The following TRIP11 variants were observed in gnomAD, a reference collection of about 807,000 sequenced individuals.
TRIP11 encodes thyroid receptor-interacting protein 11.
In TRIP11, 148 loss-of-function variants were observed where a neutral mutation model predicts 223.1. The observed-to-expected ratio is 0.66, with a 90% CI of 0.58 to 0.76. The LOEUF (loss-of-function observed/expected upper bound fraction) is 0.76, where lower values mean the gene tolerates loss of function less well. Among genes scored for constraint, TRIP11 ranks in the 30% least tolerant of loss-of-function variants. TRIP11 has a pLI of 0.00. For missense variants in TRIP11, 2,043 were observed against 2,222.0 expected, an observed-to-expected ratio of 0.92 and a Z score of 1.62; for synonymous variants, 762 against 772.6, an observed-to-expected ratio of 0.99 and a Z score of 0.23.
chr14:91,990,580 G>A (rs921446394), intron 15 of TRIP11, among the ~76,000 whole-genome samples: 2 of 152,190 alleles, frequency 1.3e-5, no homozygotes, highest in Non-Finnish European at 2.9e-5. Context: ...AGGATTGCTT[G>A]AGTCCAGAAA....
Position 92,017,717 on chromosome 14 carries a change from G to C in TRIP11, c.622C>G (p.Gln208Glu). The C allele has an allele frequency of 1.2e-6, 2 of 1,612,720 alleles. No homozygotes were observed. Among genetic ancestry groups the C allele is most frequent in the Non-Finnish European group, 1.7e-6 (2 of 1,179,296 alleles). ...SKAQGTDNSD[Q>E]SEICKLQNII... is the part of the protein sequence containing the mutation. ...TTTTGTAGTTTACATATTTCACTTT[G>C]ATCAGAGTTATCTGTTCCTTGTGCT... Residue 208 changes from glutamine (Q) to glutamate (E), a missense_variant, in exon 5 of 21, where the codon CAA (glutamine) becomes GAA (glutamate). Transcript: ENST00000267622.
rs530870171 is a variant in TRIP11, at chr14:92,026,872, C to G, written c.202-1452G>C. 3 of 1,519,942 alleles carry G rather than the reference C, an allele frequency of 2.0e-6. No individual in the cohort carries two copies. The African/African-American group carries it at 4.1e-5, about 21-fold the overall frequency. 94.2% of individuals were successfully genotyped at this position (1,519,942 alleles called of 1,614,324 possible). A position where few individuals can be genotyped will look rare whatever the true frequency, so the allele number is the denominator to read the frequency against. ...ATGTTGATACCAAGAAGCAGAAGAC[C>G]GACGAGGATGACTAGACAGCAAAAA... On this transcript the variant is annotated intron_variant, in intron 2 of 20. Coordinates refer to ENST00000267622, the MANE Select transcript of TRIP11 (RefSeq NM_004239.4).
Position 91,967,134 on chromosome 14 carries a change from G to GTTTTTTTTTT in TRIP11, c.*2538_*2539insAAAAAAAAAA, listed in dbSNP as rs2056348888. The GTTTTTTTTTT allele has an allele frequency of 8.8e-6, 1 of 113,828 alleles. No homozygotes were observed. Among genetic ancestry groups the GTTTTTTTTTT allele is most frequent in the East Asian group, 1.5e-4 (1 of 6,516 alleles). 7.1% of individuals were successfully genotyped at this position (113,828 alleles called of 1,614,324 possible). A position where few individuals can be genotyped will look rare whatever the true frequency, so the allele number is the denominator to read the frequency against. On this transcript the variant is annotated 3_prime_UTR_variant, in exon 21 of 21. Transcript: ENST00000267622. ...CACAATGAAAACATTAGGTACTATA[G>GTTTTTTTTTT]CTTTTTTTTTTTTTTTTTTTTTTTT...
At chr14:92,028,454 G>A (rs2057217762) in intron 2 of TRIP11, among the ~76,000 whole-genome samples, 1 of 152,110 alleles carries the variant, frequency 6.6e-6, no homozygotes, top group South Asian at 2.1e-4. Context: ...TCAGGAGGCT[G>A]AGGAGGGAAG....
chr14:92,026,298 ACT>A (rs904678169), intron 2 of TRIP11, among the ~76,000 whole-genome samples: 10 of 152,196 alleles, frequency 6.6e-5, no homozygotes, highest in Non-Finnish European at 1.3e-4. Flanking sequence ...GACATTACAC[ACT>A]GTCTTTTAAG....
At position 91,981,378 on chromosome 14, in the gene TRIP11, T is replaced by A. The variant is rs192807609; in HGVS notation, c.5261-5189A>T. The stretch of plus-strand genomic sequence containing the variant: ...AATTTGAGGTTAAGCTTTACAAGCA[T>A]CTGTTTTGTCTTTTTTGTTGTTGTT... On this transcript the variant is annotated intron_variant, in intron 16 of 20. Transcript: ENST00000267622. Among the ~76,000 whole-genome samples, 7 of 146,900 alleles carry A rather than the reference T, an allele frequency of 4.8e-5. No individual in the cohort carries two copies. The East Asian group carries it at 1.2e-3, about 25-fold the overall frequency.
intron 3 of TRIP11, among the ~76,000 whole-genome samples, chr14:92,024,401 C>T (rs1037628820): frequency 7.9e-5 from 12 of 151,454 alleles, no homozygotes; most frequent in African/African-American, 2.9e-4. Context: ...TTTGAACTTG[C>T]AACTTTGCCT....
chr14:92,011,878 C>A (rs2056978048), intron 7 of TRIP11, 83 bp from the exon 8 acceptor site: 2 of 1,308,564 alleles, frequency 1.5e-6, no homozygotes, highest in Non-Finnish European at 2.2e-6. Context: ...AAATGCAACC[C>A]AATTAAAGTG....
At chr14:92,038,106 T>A (rs913013857) in intron 1 of TRIP11, among the ~76,000 whole-genome samples, 1 of 151,922 alleles carries the variant, frequency 6.6e-6, no homozygotes, top group African/African-American at 2.4e-5. Context: ...CATGACCAAC[T>A]GGAAGTAGGA....
intron 2 of TRIP11, 131 bp downstream of exon 2, chr14:92,033,047 AAAAGCTCAAAAAAC>A: frequency 1.5e-6 from 1 of 653,526 alleles, no homozygotes; most frequent in Non-Finnish European, 2.7e-6. Flanking sequence ...GAAGGTTGAT[AAAAGCTCAAAAAAC>A]AATCAAAATT....
intron 7 of TRIP11, among the ~76,000 whole-genome samples, chr14:92,012,264 A>G (rs2056981990): frequency 6.6e-6 from 1 of 152,232 alleles, no homozygotes; most frequent in African/African-American, 2.4e-5. Context: ...GAAAAAGACC[A>G]TTCAATTTGG....
At chr14:91,999,684 ATAAAG>A (rs1479004732) in intron 12 of TRIP11, among the ~76,000 whole-genome samples, 1 of 152,174 alleles carries the variant, frequency 6.6e-6, no homozygotes, top group Non-Finnish European at 1.5e-5. Flanking sequence ...TTCATTCTGT[ATAAAG>A]TACTCTTTGT....
In TRIP11 at chr14:92,039,927, T is replaced by G; in HGVS notation, c.-242A>C. The G allele has an allele frequency of 1.6e-6, 1 of 628,758 alleles. No individual in the cohort carries two copies. The highest frequency in any genetic ancestry group is 2.7e-6 in the Non-Finnish European group (1 of 371,890). 38.9% of individuals were successfully genotyped at this position (628,758 alleles called of 1,614,324 possible). A position where few individuals can be genotyped will look rare whatever the true frequency, so the allele number is the denominator to read the frequency against. On this transcript the variant is annotated 5_prime_UTR_variant, in exon 1 of 21. It removes an upstream start codon present in the reference 5' UTR. Transcript: ENST00000267622. Reference sequence around the variant, plus strand: ...TCACCTACGGAGGGCCTTCTGCTCATTCCCACGAATTCCCACCGTCCAGAT... The same window carrying G: ...TCACCTACGGAGGGCCTTCTGCTCAGTCCCACGAATTCCCACCGTCCAGAT...
At chr14:92,014,074 AC>A in intron 7 of TRIP11, 140 bp downstream of exon 7, 6 of 1,234,980 alleles carry the variant, frequency 4.9e-6, no homozygotes, top group Non-Finnish European at 5.7e-6. Flanking sequence ...TCCAAACCAC[AC>A]AATTCTACCC....
chr14:92,016,400 AG>A (rs2057035936), intron 5 of TRIP11, among the ~76,000 whole-genome samples: 1 of 152,184 alleles, frequency 6.6e-6, no homozygotes, highest in African/African-American at 2.4e-5. Flanking sequence ...GCACCAGGAC[AG>A]GTGCCCTCTC....
chr14:91,999,150 A>T (rs773198436), intron 13 of TRIP11, 90 bp downstream of exon 13: 41 of 1,387,768 alleles, frequency 3.0e-5, no homozygotes, highest in Non-Finnish European at 3.9e-5. Flanking sequence ...TGAATTTTGC[A>T]AGGATGAGCT....
At chr14:91,973,025 C>CTTTTT (rs142203489) in intron 19 of TRIP11, among the ~76,000 whole-genome samples, 164 bp from the exon 20 acceptor site, 27 of 131,348 alleles carry the variant, frequency 2.1e-4, no homozygotes, top group African/African-American at 7.7e-4. Context: ...AATACTGGCA[C>CTTTTT]TTTTTTTTTT....
rs1566839444 is a variant in TRIP11 at position 91,967,050 on chromosome 14, T to C, written c.*2623A>G. The C allele has an allele frequency of 1.0e-5, 2 of 197,046 alleles. No homozygotes were observed. The highest frequency in any genetic ancestry group is 1.6e-4 in the East Asian group (2 of 12,666). The allele number at this position is 197,046 out of a possible 1,614,324, so 12.2% of individuals were successfully genotyped here. ...AAGTTTCAGAAAAGTCAATGACTTA[T>C]ATCTGGTTTAGATCAACGAACACTT... is the stretch of plus-strand genomic sequence containing the variant. On this transcript the variant is annotated 3_prime_UTR_variant, in exon 21 of 21. Coordinates refer to ENST00000267622, the MANE Select transcript of TRIP11 (RefSeq NM_004239.4).
chr14:91,981,615 A>G (rs990939791), intron 16 of TRIP11, among the ~76,000 whole-genome samples: 8 of 151,902 alleles, frequency 5.3e-5, no homozygotes, highest in African/African-American at 1.9e-4. Flanking sequence ...CTGGTCTCCA[A>G]CTCCTGACCT....
Sources: gnomAD v4.1 joint callset for allele counts (sites outside exome capture counted in the v4.1 genomes callset) on GRCh38, gnomAD v4.1.1 for gene constraint, MANE v1.5 for transcripts, NCBI Gene and HGNC (gene_info 2026-07-23, HGNC 2026-07-21) for gene names.